The following NEGR1 variants were observed in gnomAD, a reference collection of about 807,000 sequenced individuals.
The protein encoded by NEGR1 is neuronal growth regulator 1.
In NEGR1, 10 loss-of-function variants were observed where a neutral mutation model predicts 40.9. That is an observed-to-expected ratio of 0.24 (90% CI 0.15 to 0.42). The LOEUF is 0.42. Among genes scored for constraint, NEGR1 ranks in the 10% least tolerant of loss-of-function variants. The pLI is 1.00. For missense variants in NEGR1, 352 were observed against 438.9 expected (o/e 0.80, Z 1.77); for synonymous variants, 185 against 166.8 (o/e 1.11, Z -0.84).
At position 71,818,536 on chromosome 1, in the gene NEGR1, T is replaced by C. The variant is rs181883061; in HGVS notation, c.410-42239A>G. ...ACAGACATTAGCACCTACTTGAGGA[T>C]GGAGGTTGGGAGGAGGGAGATGATC... On this transcript the variant is annotated intron_variant, in intron 2 of 6. Coordinates refer to ENST00000357731, the MANE Select transcript of NEGR1 (RefSeq NM_173808.3). Among the ~76,000 whole-genome samples, 334 of 152,040 alleles carry C rather than the reference T, an allele frequency of 2.2e-3. 2 individuals are homozygous for C. Among genetic ancestry groups the C allele is most frequent in the African/African-American group, 7.4e-3 (307 of 41,516 alleles).
chr1:71,538,921 T>C (rs558561088), intron 6 of NEGR1, among the ~76,000 whole-genome samples: 98 of 151,888 alleles, frequency 6.5e-4, no homozygotes, highest in African/African-American at 2.3e-3. Context: ...GCTCCAGACT[T>C]CATTTTTCTT....
chr1:72,242,582 C>T (rs1654780337), intron 1 of NEGR1, among the ~76,000 whole-genome samples: 1 of 151,434 alleles, frequency 6.6e-6, no homozygotes, highest in Admixed American at 6.6e-5. Context: ...TTAACAAATT[C>T]TGTTACTATA....
In NEGR1 at chr1:71,551,734, T is replaced by C. The variant is rs369643869; in HGVS notation, c.940+41083A>G. On this transcript the variant is annotated intron_variant, in intron 6 of 6. Coordinates refer to ENST00000357731, the MANE Select transcript of NEGR1 (RefSeq NM_173808.3). Reference sequence around the variant, plus strand: ...TATTAGGGCTGCACAGAGACTCCAATTGATGTGATTTTATACCTGATATAA... The same window carrying C: ...TATTAGGGCTGCACAGAGACTCCAACTGATGTGATTTTATACCTGATATAA... Among the ~76,000 whole-genome samples the C allele has an allele frequency of 6.3e-4, 95 of 151,620 alleles. No homozygotes were observed. The South Asian group carries it at 0.016, about 26-fold the overall frequency.
At chr1:71,848,965 C>T (rs1659512256) in intron 2 of NEGR1, among the ~76,000 whole-genome samples, 2 of 152,124 alleles carry the variant, frequency 1.3e-5, no homozygotes, top group African/African-American at 4.8e-5. Flanking sequence ...GGGCGCACGC[C>T]TATAATCCCA....
At chr1:72,234,222 G>A (rs1361294391) in intron 1 of NEGR1, among the ~76,000 whole-genome samples, 2 of 152,012 alleles carry the variant, frequency 1.3e-5, no homozygotes, top group African/African-American at 4.8e-5. Context: ...ACTAGTAAGC[G>A]AGAACATGGG....
At chr1:71,939,057 C>T (rs1164300005) in intron 1 of NEGR1, among the ~76,000 whole-genome samples, 1 of 152,066 alleles carries the variant, frequency 6.6e-6, no homozygotes, top group African/African-American at 2.4e-5. Context: ...ACTTTACCTC[C>T]CACTCCTATT....
chr1:72,046,090 T>C (rs1037639325), intron 1 of NEGR1, among the ~76,000 whole-genome samples: 2 of 151,668 alleles, frequency 1.3e-5, no homozygotes, highest in African/African-American at 4.8e-5. Context: ...GGAAGACTAA[T>C]GAGGAAAAAC....
intron 1 of NEGR1, among the ~76,000 whole-genome samples, chr1:72,021,321 G>T (rs1269540153): frequency 6.6e-6 from 1 of 152,024 alleles, no homozygotes; most frequent in Non-Finnish European, 1.5e-5. Context: ...TATCATAACA[G>T]AGACTGAATA....
chr1:71,435,910 T>C (rs1646506063), intron 6 of NEGR1, among the ~76,000 whole-genome samples: 1 of 152,196 alleles, frequency 6.6e-6, no homozygotes, highest in Non-Finnish European at 1.5e-5. Context: ...AGTGGTCTGC[T>C]TCCTCCTCAA....
At chr1:72,067,767 ATTTATTT>A (rs1390814451) in intron 1 of NEGR1, among the ~76,000 whole-genome samples, 1 of 152,112 alleles carries the variant, frequency 6.6e-6, no homozygotes, top group Non-Finnish European at 1.5e-5. Flanking sequence ...TGTTTAACTG[ATTTATTT>A]TTCTTAAGAC....
At chr1:71,864,274 G>A (rs1660047849) in intron 2 of NEGR1, among the ~76,000 whole-genome samples, 1 of 152,138 alleles carries the variant, frequency 6.6e-6, no homozygotes, top group South Asian at 2.1e-4. Flanking sequence ...ACACAGGCAT[G>A]CAGTTCTTGG....
Position 71,400,104 on chromosome 1 carries a change from C to A in NEGR1, c.*7342G>T, listed in dbSNP as rs1410796970. The A allele has an allele frequency of 6.6e-6, 1 of 152,108 alleles. No individual in the cohort carries two copies. Among genetic ancestry groups the A allele is most frequent in the Non-Finnish European group, 1.5e-5 (1 of 68,034 alleles). 9.4% of individuals were successfully genotyped at this position (152,108 alleles called of 1,614,324 possible). A position where few individuals can be genotyped will look rare whatever the true frequency, so the allele number is the denominator to read the frequency against. On this transcript the variant is annotated 3_prime_UTR_variant, in exon 7 of 7. Coordinates refer to ENST00000357731, the MANE Select transcript of NEGR1 (RefSeq NM_173808.3). ...AAGTCAAAATTGATGAAGAAACTGG[C>A]AAATTCAAATTTCCACCAAGGAATA... is the stretch of plus-strand genomic sequence containing the variant.
At chr1:72,241,202 C>A (rs1013308627) in intron 1 of NEGR1, among the ~76,000 whole-genome samples, 5 of 151,760 alleles carry the variant, frequency 3.3e-5, no homozygotes, top group South Asian at 2.1e-4. Flanking sequence ...TTTATTGCTA[C>A]ATTTAAGGAA....
chr1:71,704,358 G>A (rs923900019), intron 3 of NEGR1, among the ~76,000 whole-genome samples: 1 of 151,882 alleles, frequency 6.6e-6, no homozygotes, highest in African/African-American at 2.4e-5. Context: ...GAAAGCAAAA[G>A]CTGGTTCTTT....
At chr1:71,973,198 C>G (rs1646272735) in intron 1 of NEGR1, among the ~76,000 whole-genome samples, 1 of 152,020 alleles carries the variant, frequency 6.6e-6, no homozygotes. Context: ...CGCCTGTAGT[C>G]CCAGCTACTC....
intron 2 of NEGR1, among the ~76,000 whole-genome samples, chr1:71,777,700 C>T (rs561883411): frequency 3.9e-5 from 6 of 151,964 alleles, no homozygotes; most frequent in South Asian, 4.2e-4. Flanking sequence ...TCTGTTGTGA[C>T]GATAAATTAC....
At chr1:72,044,627 T>C (rs768322581) in intron 1 of NEGR1, among the ~76,000 whole-genome samples, 22 of 151,808 alleles carry the variant, frequency 1.4e-4, no homozygotes, top group Admixed American at 3.3e-4. Context: ...TAGAGTATCA[T>C]AAAATCATAC....
intron 1 of NEGR1, among the ~76,000 whole-genome samples, chr1:72,233,610 G>A (rs1654451365): frequency 1.3e-5 from 2 of 152,132 alleles, no homozygotes; most frequent in South Asian, 4.1e-4. Flanking sequence ...GTATGTTGCT[G>A]CGAAGGACAA....
At chr1:72,266,489 A>G (rs570224037) in intron 1 of NEGR1, among the ~76,000 whole-genome samples, 28 of 151,064 alleles carry the variant, frequency 1.9e-4, no homozygotes, top group African/African-American at 6.8e-4. Context: ...CAATTAAGGT[A>G]ACAGCACCAG....
Sources: allele counts gnomAD v4.1 joint callset (sites outside exome capture counted in the v4.1 genomes callset), GRCh38; gene constraint gnomAD v4.1.1; transcripts MANE v1.5; gene names NCBI Gene and HGNC (gene_info 2026-07-23, HGNC 2026-07-21).